The following USP32 variants were observed in gnomAD, a reference collection of about 807,000 sequenced individuals.
USP32 encodes ubiquitin specific peptidase 32, also known as ubiquitin carboxyl-terminal hydrolase 32.
A neutral mutation model predicts 204.8 loss-of-function variants in USP32; 59 were observed. The ratio of observed to expected loss-of-function variants is 0.29; its 90% CI spans 0.23 to 0.36. USP32 has a LOEUF of 0.36. Among genes scored for constraint, USP32 ranks in the 10% least tolerant of loss-of-function variants. USP32 has a pLI of 1.00. For missense variants in USP32, 1,160 were observed against 1,946.4 expected, an observed-to-expected ratio of 0.60 and a Z score of 7.60; for synonymous variants, 517 against 678.4, an observed-to-expected ratio of 0.76 and a Z score of 3.70.
chr17:60,367,956 AATT>A (rs2089351631), intron 1 of USP32, among the ~76,000 whole-genome samples: 2 of 152,024 alleles, frequency 1.3e-5, no homozygotes, highest in Admixed American at 1.3e-4. Context: ...CTGTATTAGG[AATT>A]ATAAGTAATC....
chr17:60,274,006 TA>T (rs1419698757), intron 5 of USP32, among the ~76,000 whole-genome samples: 2 of 142,770 alleles, frequency 1.4e-5, no homozygotes, highest in Non-Finnish European at 3.1e-5. Flanking sequence ...GAAAAAGACC[TA>T]GAAATAACAG....
intron 1 of USP32, among the ~76,000 whole-genome samples, chr17:60,349,248 A>G (rs965095612): frequency 3.3e-5 from 5 of 151,038 alleles, no homozygotes; most frequent in Non-Finnish European, 7.4e-5. Flanking sequence ...TTGGTTACAG[A>G]TTATTTGAAG....
intron 1 of USP32, among the ~76,000 whole-genome samples, chr17:60,357,780 T>C (rs556496176): frequency 6.6e-6 from 1 of 152,288 alleles, no homozygotes; most frequent in South Asian, 2.1e-4. Context: ...ATACTTTTTT[T>C]TTTTTGAGAC....
intron 2 of USP32, among the ~76,000 whole-genome samples, chr17:60,332,603 A>G (rs1484140427): frequency 6.6e-6 from 1 of 152,148 alleles, no homozygotes; most frequent in Non-Finnish European, 1.5e-5. Context: ...AGCCAAGATC[A>G]TGCCATTGCA....
At chr17:60,208,442 A>C (rs1370270707) in intron 23 of USP32, among the ~76,000 whole-genome samples, 1 of 152,156 alleles carries the variant, frequency 6.6e-6, no homozygotes, top group Non-Finnish European at 1.5e-5. Flanking sequence ...GCAGGGTTTT[A>C]AAGAGAGTTG....
intron 1 of USP32, among the ~76,000 whole-genome samples, chr17:60,403,152 C>T (rs1029209958): frequency 2.6e-5 from 4 of 152,110 alleles, no homozygotes; most frequent in South Asian, 2.1e-4. Flanking sequence ...GCTGGGTCTA[C>T]AGGCGCGCGC....
chr17:60,391,744 TC>T (rs2089838286), intron 1 of USP32, 137 bp downstream of exon 1: 1 of 873,610 alleles, frequency 1.1e-6, no homozygotes, highest in South Asian at 1.8e-5. Flanking sequence ...TCCACCACAC[TC>T]CCCAAGGCCG....
At chr17:60,322,604 C>T (rs1018484680) in intron 2 of USP32, among the ~76,000 whole-genome samples, 2 of 151,994 alleles carry the variant, frequency 1.3e-5, no homozygotes, top group Non-Finnish European at 2.9e-5. Flanking sequence ...TTAGAAAACA[C>T]GAAAATTAAC....
At chr17:60,333,970 T>A (rs2088451842) in intron 2 of USP32, among the ~76,000 whole-genome samples, 1 of 152,144 alleles carries the variant, frequency 6.6e-6, no homozygotes, top group South Asian at 2.1e-4. Context: ...GCACTTGATA[T>A]GGGTCACATG....
At chr17:60,307,540 C>T (rs2087754693) in intron 2 of USP32, among the ~76,000 whole-genome samples, 1 of 152,100 alleles carries the variant, frequency 6.6e-6, no homozygotes, top group South Asian at 2.1e-4. Context: ...CAAAAGACCC[C>T]AAATAGCCAA....
At chr17:60,369,012 T>C (rs2089378850) in intron 1 of USP32, among the ~76,000 whole-genome samples, 1 of 130,184 alleles carries the variant, frequency 7.7e-6, no homozygotes, top group Non-Finnish European at 1.5e-5. Flanking sequence ...TTTTTTTTTT[T>C]GAGACGGAGT....
At chr17:60,264,049 T>C (rs954637027) in intron 9 of USP32, among the ~76,000 whole-genome samples, 8 of 152,176 alleles carry the variant, frequency 5.3e-5, no homozygotes, top group African/African-American at 1.9e-4. Context: ...ATAGACATCA[T>C]AGTAATGCAA....
At chr17:60,272,377 T>G (rs1247291660) in intron 5 of USP32, among the ~76,000 whole-genome samples, 2 of 152,214 alleles carry the variant, frequency 1.3e-5, no homozygotes, top group Non-Finnish European at 2.9e-5. Flanking sequence ...CCTCAGAATA[T>G]ACATCAAAAA....
chr17:60,332,950 C>A (rs1338381586), intron 2 of USP32, among the ~76,000 whole-genome samples: 1 of 152,048 alleles, frequency 6.6e-6, no homozygotes, highest in Non-Finnish European at 1.5e-5. Flanking sequence ...GTGAAAACAT[C>A]TTACTCTATG....
chr17:60,386,225 G>C (rs928240056), intron 1 of USP32, among the ~76,000 whole-genome samples: 3 of 151,854 alleles, frequency 2.0e-5, no homozygotes, highest in Admixed American at 2.0e-4. Flanking sequence ...ATGTCATGAG[G>C]CCCAAAAAGC....
At chr17:60,331,462 G>T (rs865857274) in intron 2 of USP32, among the ~76,000 whole-genome samples, 1 of 151,556 alleles carries the variant, frequency 6.6e-6, no homozygotes, top group Non-Finnish European at 1.5e-5. Context: ...CTTCTCAGGA[G>T]GCTGAGGCTG....
upstream of USP32, among the ~76,000 whole-genome samples, chr17:60,396,226 C>T (rs1042290175): frequency 2.0e-5 from 3 of 151,810 alleles, no homozygotes; most frequent in African/African-American, 4.8e-5. Flanking sequence ...TACAGGCATG[C>T]GCCACCACAC....
chr17:60,198,526 T>C, intron 26 of USP32, 82 bp from the exon 27 acceptor site: 1 of 1,500,184 alleles, frequency 6.7e-7, no homozygotes, highest in Non-Finnish European at 9.1e-7. Flanking sequence ...TGCCTGCCAA[T>C]GACAGGCACT....
chr17:60,220,334 G>T (rs1198583915), intron 15 of USP32, among the ~76,000 whole-genome samples: 1 of 152,108 alleles, frequency 6.6e-6, no homozygotes, highest in African/African-American at 2.4e-5. Context: ...TTAATATGAA[G>T]AGTATTATAA....
Sources: allele counts gnomAD v4.1 joint callset (sites outside exome capture counted in the v4.1 genomes callset), GRCh38; gene constraint gnomAD v4.1.1; transcripts MANE v1.5; gene names NCBI Gene and HGNC (gene_info 2026-07-23, HGNC 2026-07-21).